The following CSMD1 variants were observed in gnomAD, a reference collection of about 807,000 sequenced individuals.
CSMD1 encodes CUB and Sushi multiple domains 1, also known as CUB and sushi domain-containing protein 1.
In CSMD1, 213 loss-of-function variants were observed where a neutral mutation model predicts 417.5. The observed-to-expected ratio is 0.51, with a 90% confidence interval of 0.46 to 0.57. The LOEUF (loss-of-function observed/expected upper bound fraction) is 0.57. CSMD1 is among the 20% of genes least tolerant of loss of function. The pLI, the probability that CSMD1 is intolerant of heterozygous loss-of-function variation, is 0.00. For synonymous variants in CSMD1, 2,862 were observed against 1,736.8 expected (o/e 1.65, Z -16.11); for missense variants, 6,923 against 4,529.7 (o/e 1.53, Z -15.17).
chr8:4,032,697 G>A (rs975402725), intron 3 of CSMD1, among the ~76,000 whole-genome samples: 6 of 152,116 alleles, frequency 3.9e-5, no homozygotes, highest in Admixed American at 1.3e-4. Flanking sequence ...CAGCAGCCAG[G>A]CTCTGTCCAT....
intron 5 of CSMD1, among the ~76,000 whole-genome samples, chr8:3,763,859 C>T (rs530809643): frequency 1.3e-5 from 2 of 152,128 alleles, no homozygotes. Flanking sequence ...TGATTTCCTC[C>T]AAAGCCTTAG....
At chr8:3,399,054 G>C (rs1434294348) in intron 16 of CSMD1, among the ~76,000 whole-genome samples, 1 of 152,086 alleles carries the variant, frequency 6.6e-6, no homozygotes, top group Non-Finnish European at 1.5e-5. Context: ...GGGACCATGG[G>C]ACCCAGAGTG....
chr8:4,036,977 GT>G (rs1797654227), intron 3 of CSMD1, among the ~76,000 whole-genome samples: 2 of 151,450 alleles, frequency 1.3e-5, no homozygotes, highest in Admixed American at 6.6e-5. Flanking sequence ...GTGTGTGTGT[GT>G]GTGTGTGTGT....
chr8:4,233,079 G>A (rs1229067321), intron 3 of CSMD1, among the ~76,000 whole-genome samples: 2 of 152,162 alleles, frequency 1.3e-5, no homozygotes, highest in Non-Finnish European at 2.9e-5. Flanking sequence ...TCATTGTTCT[G>A]TGCACTGGCA....
Position 3,528,326 on chromosome 8 carries a change from C to G in CSMD1, c.1345-34600G>C, listed in dbSNP as rs138723360. 3.0e-3 allele frequency among the ~76,000 whole-genome samples: 462 copies of G among 152,316 alleles called. 2 individuals carry two copies. Among genetic ancestry groups the G allele is most frequent in the African/African-American group, 0.011 (444 of 41,574 alleles). On this transcript the variant is annotated intron_variant, in intron 10 of 69. Transcript: ENST00000635120. ...ATAGCTCAGTGCCAAAATTCTTCCC[C>G]TCTCTATTTATACCAAAGGAAAGGT...
At position 3,709,680 on chromosome 8, in the gene CSMD1, G is replaced by GGCTTTTTTTTTTTTTTTTTTTTTTTTTTT. The variant is rs1554518393; in HGVS notation, c.932-1190_932-1189insAAAAAAAAAAAAAAAAAAAAAAAAAAAGC. On this transcript the variant is annotated intron_variant, in intron 6 of 69. Transcript: ENST00000635120. ...GATGGGCTTTAAATTGCAGCAGCAT[G>GGCTTTTTTTTTTTTTTTTTTTTTTTTTTT]TTTTTTTTTTTTTTTTTTTTTTTTT... Among the ~76,000 whole-genome samples, 9 of 33,694 alleles carry GGCTTTTTTTTTTTTTTTTTTTTTTTTTTT rather than the reference G, an allele frequency of 2.7e-4. 2 individuals are homozygous for GGCTTTTTTTTTTTTTTTTTTTTTTTTTTT. Among genetic ancestry groups the GGCTTTTTTTTTTTTTTTTTTTTTTTTTTT allele is most frequent in the Non-Finnish European group, 2.3e-4 (4 of 17,552 alleles). 22.1% of individuals were successfully genotyped at this position (33,694 alleles called of 152,430 possible).
chr8:3,117,376 T>C (rs1216411107), intron 42 of CSMD1, among the ~76,000 whole-genome samples: 1 of 152,186 alleles, frequency 6.6e-6, no homozygotes, highest in Non-Finnish European at 1.5e-5. Context: ...AATAGGTAAA[T>C]ACAGATAAAA....
intron 2 of CSMD1, among the ~76,000 whole-genome samples, chr8:4,451,022 A>G (rs1254892743): frequency 1.9e-4 from 6 of 31,868 alleles, no homozygotes; most frequent in African/African-American, 9.0e-4. Context: ...CAACGTGGGG[A>G]AAAAAAAAAT....
intron 3 of CSMD1, among the ~76,000 whole-genome samples, chr8:4,305,278 G>T (rs1798185420): frequency 6.6e-6 from 1 of 152,168 alleles, no homozygotes; most frequent in Admixed American, 6.5e-5. Context: ...CCTGGGAACT[G>T]AGCTGCATCA....
chr8:4,838,767 C>A (rs1585190897), intron 1 of CSMD1, among the ~76,000 whole-genome samples: 1 of 152,188 alleles, frequency 6.6e-6, no homozygotes, highest in East Asian at 1.9e-4. Context: ...GGAAGCAGAC[C>A]TCCCACCCAG....
At position 3,174,742 on chromosome 8, in the gene CSMD1, T is replaced by C. The variant is rs189177191; in HGVS notation, c.5725+6368A>G. On this transcript the variant is annotated intron_variant, in intron 37 of 69. Coordinates refer to ENST00000635120, the MANE Select transcript of CSMD1 (RefSeq NM_033225.6). Reference sequence around the variant, plus strand: ...CCTAATAATAGCTATCTTAAAAATCTAGGTGGCTGATATATTTATAGCTTT... The same window carrying C: ...CCTAATAATAGCTATCTTAAAAATCCAGGTGGCTGATATATTTATAGCTTT... Among the ~76,000 whole-genome samples, 9 of 152,300 alleles carry C rather than the reference T, an allele frequency of 5.9e-5. No homozygotes were observed. In the East Asian group the frequency reaches 1.7e-3, roughly 29 times the overall value.
At chr8:4,024,440 A>G (rs984368277) in intron 4 of CSMD1, among the ~76,000 whole-genome samples, 4 of 152,208 alleles carry the variant, frequency 2.6e-5, no homozygotes, top group African/African-American at 9.7e-5. Context: ...AACCATGTTC[A>G]TATGTTACTG....
chr8:3,688,475 C>A (rs932590020), intron 7 of CSMD1, among the ~76,000 whole-genome samples: 3 of 152,084 alleles, frequency 2.0e-5, no homozygotes, highest in Non-Finnish European at 4.4e-5. Flanking sequence ...GTCTCTGTTC[C>A]CTAATGTCAA....
intron 3 of CSMD1, among the ~76,000 whole-genome samples, chr8:4,135,375 TGGGAAAGAGGGG>T (rs1803364301): frequency 1.8e-4 from 3 of 16,946 alleles, no homozygotes; most frequent in Admixed American, 1.1e-3. Context: ...AAGGGGAAAG[TGGGAAAGAGGGG>T]GAAGGAAGGG....
intron 1 of CSMD1, among the ~76,000 whole-genome samples, chr8:4,721,961 A>T (rs1485962391): frequency 6.6e-6 from 1 of 152,196 alleles, no homozygotes; most frequent in Non-Finnish European, 1.5e-5. Flanking sequence ...CTATAATCTT[A>T]CAAAAACGGA....
At chr8:4,117,451 AG>A (rs925105847) in intron 3 of CSMD1, among the ~76,000 whole-genome samples, 18 of 152,124 alleles carry the variant, frequency 1.2e-4, no homozygotes, top group African/African-American at 4.3e-4. Context: ...CTGCAATTTC[AG>A]GGTTATGATC....
intron 26 of CSMD1, 118 bp from the exon 27 acceptor site, chr8:3,230,349 T>A: frequency 1.5e-6 from 1 of 681,388 alleles, no homozygotes; most frequent in African/African-American, 1.8e-5. Context: ...GTCATTTGTC[T>A]ACACATGAAC....
chr8:3,336,109 G>T (rs571355554), intron 23 of CSMD1, among the ~76,000 whole-genome samples: 3 of 152,238 alleles, frequency 2.0e-5, no homozygotes, highest in East Asian at 1.9e-4. Context: ...CTGAACCATG[G>T]AACCATGGGC....
At chr8:4,384,214 G>A (rs768159183) in intron 3 of CSMD1, among the ~76,000 whole-genome samples, 15 of 151,938 alleles carry the variant, frequency 9.9e-5, no homozygotes, top group Non-Finnish European at 1.6e-4. Flanking sequence ...ACACTCCTAT[G>A]ATTTCAAACA....
Sources: gnomAD v4.1 joint callset for allele counts (sites outside exome capture counted in the v4.1 genomes callset) on GRCh38, gnomAD v4.1.1 for gene constraint, MANE v1.5 for transcripts, NCBI Gene and HGNC (gene_info 2026-07-23, HGNC 2026-07-21) for gene names.